The following ADGRL3 variants were observed in gnomAD, a reference collection of about 807,000 sequenced individuals.
ADGRL3 encodes calcium-independent alpha-latrotoxin receptor 3.
Under a neutral mutation model 153.5 loss-of-function variants are expected in ADGRL3, and 62 were observed. That is an observed-to-expected ratio of 0.40 (90% confidence interval 0.33 to 0.50). ADGRL3 has a LOEUF of 0.50. ADGRL3 is among the 20% of genes least tolerant of loss of function. The pLI is 0.47. For missense variants in ADGRL3, 1,641 were observed against 1,859.4 expected (o/e 0.88, Z 2.16); for synonymous variants, 710 against 672.5 (o/e 1.06, Z -0.86).
At chr4:61,364,736 G>C (rs1242027687) in intron 1 of ADGRL3, among the ~76,000 whole-genome samples, 1 of 152,182 alleles carries the variant, frequency 6.6e-6, no homozygotes, top group Non-Finnish European at 1.5e-5. Context: ...AAACAGGTTG[G>C]AGTTAGAGAT....
chr4:62,053,399 A>G (rs998335783), intron 25 of ADGRL3, among the ~76,000 whole-genome samples: 1 of 151,516 alleles, frequency 6.6e-6, no homozygotes, highest in Non-Finnish European at 1.5e-5. Context: ...TAAAAGTTTA[A>G]TTGTTTATGT....
intron 6 of ADGRL3, among the ~76,000 whole-genome samples, chr4:61,720,561 G>A (rs1311947837): frequency 6.6e-6 from 1 of 152,194 alleles, no homozygotes; most frequent in African/African-American, 2.4e-5. Context: ...GAGAGTAATA[G>A]GGGTAGCTGG....
intron 1 of ADGRL3, among the ~76,000 whole-genome samples, chr4:61,315,550 G>T (rs1467113746): frequency 6.6e-6 from 1 of 152,152 alleles, no homozygotes; most frequent in Admixed American, 6.5e-5. Flanking sequence ...TAGCTCACGT[G>T]ATCCTGGTGG....
intron 1 of ADGRL3, among the ~76,000 whole-genome samples, chr4:61,377,863 T>C (rs1316178592): frequency 3.3e-5 from 5 of 152,164 alleles, no homozygotes; most frequent in Non-Finnish European, 5.9e-5. Context: ...CTGCTTTCAC[T>C]GCATCCCATA....
At chr4:61,362,328 A>ATATATG (rs776971911) in intron 1 of ADGRL3, among the ~76,000 whole-genome samples, 22 of 145,692 alleles carry the variant, frequency 1.5e-4, no homozygotes, top group Non-Finnish European at 2.1e-4. Context: ...TTTGAAAATT[A>ATATATG]TATATATATA....
At chr4:61,369,265 TG>T (rs1303851930) in intron 1 of ADGRL3, among the ~76,000 whole-genome samples, 44 of 152,202 alleles carry the variant, frequency 2.9e-4, no homozygotes, top group Non-Finnish European at 6.0e-4. Flanking sequence ...TCCAACACTA[TG>T]TTGAATAGGA....
intron 1 of ADGRL3, among the ~76,000 whole-genome samples, chr4:61,240,559 A>G (rs745407147): frequency 6.6e-6 from 1 of 152,068 alleles, no homozygotes; most frequent in Non-Finnish European, 1.5e-5. Context: ...TTTATCTGTA[A>G]TTTTTAACTC....
chr4:61,999,455 A>T (rs1038903558), intron 21 of ADGRL3, among the ~76,000 whole-genome samples: 3 of 152,244 alleles, frequency 2.0e-5, no homozygotes, highest in Non-Finnish European at 4.4e-5. Flanking sequence ...AAAGATAGTA[A>T]TATTTAGATG....
At chr4:61,574,064 C>G (rs577440099) in intron 4 of ADGRL3, among the ~76,000 whole-genome samples, 14 of 151,984 alleles carry the variant, frequency 9.2e-5, no homozygotes, top group Admixed American at 2.0e-4. Context: ...AACCAAAAGG[C>G]CTTTGTCACT....
intron 1 of ADGRL3, among the ~76,000 whole-genome samples, chr4:61,371,870 A>G (rs1320722615): frequency 1.3e-5 from 2 of 152,280 alleles, no homozygotes; most frequent in South Asian, 4.1e-4. Flanking sequence ...AGGTACACCA[A>G]GCAGATGTAG....
intron 2 of ADGRL3, among the ~76,000 whole-genome samples, chr4:61,446,098 T>C (rs2097578799): frequency 6.6e-6 from 1 of 152,180 alleles, no homozygotes. Context: ...TATAATGACA[T>C]TATTTCTGAG....
intron 6 of ADGRL3, among the ~76,000 whole-genome samples, chr4:61,719,975 A>G (rs2096207104): frequency 6.6e-6 from 1 of 152,068 alleles, no homozygotes; most frequent in African/African-American, 2.4e-5. Flanking sequence ...GTGCCTTGTA[A>G]GTCTGGAATG....
chr4:62,055,772 A>G (rs1409951221), intron 25 of ADGRL3, among the ~76,000 whole-genome samples: 1 of 151,656 alleles, frequency 6.6e-6, no homozygotes, highest in Non-Finnish European at 1.5e-5. Context: ...CTTTCTGTAG[A>G]TTGTTTATGT....
Position 62,072,389 on chromosome 4 carries a change from T to C in ADGRL3, c.*1481T>C, listed in dbSNP as rs1745968138. Reference sequence around the variant, plus strand: ...GGATGACCTCATTACTAATATTTGTTGTAAAAGTGAAACTTGTTTGCCAAC... The same window carrying C: ...GGATGACCTCATTACTAATATTTGTCGTAAAAGTGAAACTTGTTTGCCAAC... On this transcript the variant is annotated 3_prime_UTR_variant, in exon 27 of 27. Coordinates refer to ENST00000683033, the MANE Select transcript of ADGRL3 (RefSeq NM_001387552.1). 1 of 152,752 alleles carries C rather than the reference T, an allele frequency of 6.5e-6. No homozygotes were observed. Among genetic ancestry groups the C allele is most frequent in the South Asian group, 2.1e-4 (1 of 4,828 alleles). 9.5% of individuals were successfully genotyped at this position (152,752 alleles called of 1,614,324 possible).
At chr4:61,345,131 G>A (rs568161571) in intron 1 of ADGRL3, among the ~76,000 whole-genome samples, 1 of 151,894 alleles carries the variant, frequency 6.6e-6, no homozygotes, top group East Asian at 1.9e-4. Flanking sequence ...TTTAAAATTT[G>A]ACCTTTAAAA....
chr4:61,687,924 A>T (rs2095475354), intron 6 of ADGRL3, among the ~76,000 whole-genome samples: 1 of 152,036 alleles, frequency 6.6e-6, no homozygotes, highest in South Asian at 2.1e-4. Context: ...TTTCATGAAA[A>T]CTTAATTATA....
At chr4:61,347,067 A>C (rs55904225) in intron 1 of ADGRL3, among the ~76,000 whole-genome samples, 56,618 of 151,718 alleles carry the variant, frequency 0.37, 11,016 homozygotes, top group African/African-American at 0.47. Context: ...TTGTAAGTGT[A>C]TAGAATGTTA....
chr4:61,620,634 CTTTTTTTTTTTTTT>C (rs71664993), intron 5 of ADGRL3, among the ~76,000 whole-genome samples: 5 of 69,704 alleles, frequency 7.2e-5, no homozygotes, highest in Non-Finnish European at 1.3e-4. Context: ...TAAATTGTGA[CTTTTTTTTTTTTTT>C]TTTTTTTTTT....
At chr4:61,495,744 T>G (rs1427776594) in intron 2 of ADGRL3, among the ~76,000 whole-genome samples, 1 of 152,162 alleles carries the variant, frequency 6.6e-6, no homozygotes, top group Non-Finnish European at 1.5e-5. Flanking sequence ...TATTAATATT[T>G]GACACCTCTA....
Sources: allele counts gnomAD v4.1 joint callset (sites outside exome capture counted in the v4.1 genomes callset), GRCh38; gene constraint gnomAD v4.1.1; transcripts MANE v1.5; gene names NCBI Gene and HGNC (gene_info 2026-07-23, HGNC 2026-07-21).